SLC9A6: variants seen among roughly 807,000 people sequenced by gnomAD.
The protein encoded by SLC9A6 is sodium/hydrogen exchanger 6.
SLC9A6 carries 6 observed loss-of-function variants against 45.3 expected under a neutral mutation model. That is an observed-to-expected ratio of 0.13 (90% confidence interval 0.07 to 0.26). The LOEUF is 0.26. Ranked by LOEUF, SLC9A6 falls within the 10% of genes least tolerant of loss-of-function variation. The pLI is 1.00. For synonymous variants in SLC9A6, 191 were observed against 187.7 expected, an observed-to-expected ratio of 1.02 and a Z score of -0.14; for missense variants, 278 against 503.7, an observed-to-expected ratio of 0.55 and a Z score of 4.29.
chrX:136,044,616 A>C lies in SLC9A6; in HGVS notation c.1932A>C (p.Ala644=). The change falls in exon 18 of 18, where the codon GCA becomes GCC. Residue 644 remains alanine, a synonymous_variant. Transcript: ENST00000630721. ...SSEDALDREL[A]FGDHELVIRG... ...AAGATGCCTTGGATCGGGAGCTTGC[A>C]TTTGGGGACCATGAACTGGTCATTC... is the stretch of plus-strand genomic sequence containing the variant. The C allele has an allele frequency of 1.7e-6, 2 of 1,210,984 alleles. No homozygotes were observed. Among genetic ancestry groups the C allele is most frequent in the Non-Finnish European group, 2.2e-6 (2 of 894,974 alleles).
Position 136,044,870 on chromosome X carries a change from CT to C in SLC9A6, c.*147del. 1 of 511,060 alleles carries C rather than the reference CT, an allele frequency of 2.0e-6. No individual in the cohort carries two copies. Among genetic ancestry groups the C allele is most frequent in the Non-Finnish European group, 3.3e-6 (1 of 304,794 alleles). The allele number at this position is 511,060 out of a possible 1,213,427, so 42.1% of individuals were successfully genotyped here. A position where few individuals can be genotyped will look rare whatever the true frequency, so the allele number is the denominator to read the frequency against. On this transcript the variant is annotated 3_prime_UTR_variant, in exon 18 of 18. Transcript: ENST00000630721. ...ATGGCATAGAAAGAATATAAATATC[CT>C]GTACACGGCAGATTGTGAACAAACT...
At chrX:135,988,053 A>G (rs2089365917) in intron 2 of SLC9A6, among the ~76,000 whole-genome samples, 1 of 111,831 alleles carries the variant, frequency 8.9e-6, no homozygotes, top group Non-Finnish European at 1.9e-5. Flanking sequence ...AAGAGAATCA[A>G]ATAGGGGCTT....
At chrX:135,976,045 C>T (rs1287705605) in intron 1 of SLC9A6, among the ~76,000 whole-genome samples, 1 of 105,889 alleles carries the variant, frequency 9.4e-6, no homozygotes, top group Non-Finnish European at 1.9e-5. Flanking sequence ...CTCAACTTTA[C>T]TTATATAATT....
intron 13 of SLC9A6, among the ~76,000 whole-genome samples, chrX:136,024,877 C>G (rs1178667964): frequency 9.0e-6 from 1 of 111,419 alleles, no homozygotes; most frequent in Non-Finnish European, 1.9e-5. Context: ...TGTATTGTTT[C>G]TAGGATTTTG....
At chrX:136,002,419 A>G (rs1167313986) in intron 7 of SLC9A6, among the ~76,000 whole-genome samples, 1 of 112,139 alleles carries the variant, frequency 8.9e-6, no homozygotes, top group Non-Finnish European at 1.9e-5. Flanking sequence ...CCTAAAGACA[A>G]TTACTGTAAA....
chrX:136,044,484 T>G lies in SLC9A6; in HGVS notation c.1800T>G (p.Asp600Glu). The G allele has an allele frequency of 8.3e-7, 1 of 1,206,361 alleles. No homozygotes were observed. The highest frequency in any genetic ancestry group is 1.1e-6 in the Non-Finnish European group (1 of 890,519). The stretch of plus-strand genomic sequence containing the variant: ...AACAGTTGAAAGATGATGATTCTGA[T>G]CTTATTCTCAATGATGGTGACATCA... Reference protein sequence around the residue: ...NQEQLKDDDSDLILNDGDISL... With the variant: ...NQEQLKDDDSELILNDGDISL... The change falls in exon 18 of 18, where the codon GAT becomes GAG. Residue 600 changes from aspartate to glutamate, a missense_variant. By Grantham distance (45) the Asp-to-Glu change is conservative. This residue lies in a region of SLC9A6 where 91 missense variants were observed against 125.1 expected (regional missense o/e 0.73). Coordinates refer to ENST00000630721, the MANE Select transcript of SLC9A6 (RefSeq NM_001379110.1).
intron 15 of SLC9A6, among the ~76,000 whole-genome samples, chrX:136,032,703 T>A (rs1556621278): frequency 8.9e-6 from 1 of 112,300 alleles, no homozygotes; most frequent in African/African-American, 3.2e-5. Context: ...TTTATTTTGC[T>A]AGTGTTTCAA....
chrX:135,996,518 A>T (rs782554770), intron 3 of SLC9A6, among the ~76,000 whole-genome samples: 6 of 111,553 alleles, frequency 5.4e-5, no homozygotes, highest in Non-Finnish European at 1.1e-4. Context: ...CTGCAGCCTT[A>T]TGAACAGAAG....
intron 1 of SLC9A6, among the ~76,000 whole-genome samples, chrX:135,977,035 T>A (rs782114327): frequency 8.9e-6 from 1 of 112,206 alleles, no homozygotes; most frequent in Non-Finnish European, 1.9e-5. Context: ...TACCAAGGAC[T>A]GTATCATTCA....
Position 136,023,163 on chromosome X carries a change from GTATATATATATATATATATATATATA to G in SLC9A6, c.1306+501_1306+526del, listed in dbSNP as rs35106450. On this transcript the variant is annotated intron_variant, in intron 12 of 17. Transcript: ENST00000630721. ...GCATCCTTGAATAGAAAAAGAAAAT[GTATATATATATATATATATATATATA>G]TATATATATATATATATATATATAT... is the stretch of plus-strand genomic sequence containing the variant. Among the ~76,000 whole-genome samples the G allele has an allele frequency of 1.0e-2, 250 of 25,003 alleles. 6 individuals are homozygous for G. Among genetic ancestry groups the G allele is most frequent in the Middle Eastern group, 0.059 (1 of 17 alleles). 21.7% of individuals were successfully genotyped at this position (25,003 alleles called of 115,157 possible).
At chrX:135,985,328 G>T, upstream of SLC9A6, 1 of 316,161 alleles carries the variant, frequency 3.2e-6, no homozygotes. Context: ...TGGGACAGAG[G>T]GGCAAAGGAA....
At chrX:135,983,511 G>A (rs2089296760), upstream of SLC9A6, 1 of 109,055 alleles carries the variant, frequency 9.2e-6, no homozygotes, top group Non-Finnish European at 1.9e-5. Context: ...ACATTCTCGG[G>A]GGAGCAGAAG....
chrX:136,034,643 G>A (rs529286259), intron 16 of SLC9A6, among the ~76,000 whole-genome samples: 1 of 111,876 alleles, frequency 8.9e-6, no homozygotes, highest in East Asian at 2.8e-4. Flanking sequence ...TCTGATGAAA[G>A]CCTTGTATAT....
chrX:136,000,154 G>C (rs2089558855), intron 6 of SLC9A6, among the ~76,000 whole-genome samples: 1 of 106,642 alleles, frequency 9.4e-6, no homozygotes, highest in African/African-American at 3.4e-5. Flanking sequence ...GGGAGGCTGA[G>C]GTGGGAGGAC....
intron 1 of SLC9A6, among the ~76,000 whole-genome samples, chrX:135,976,254 G>A (rs1434510333): frequency 9.0e-6 from 1 of 111,574 alleles, no homozygotes; most frequent in Non-Finnish European, 1.9e-5. Context: ...GTAGTTGACA[G>A]GAAAGTGCTT....
chrX:136,010,811 A>G (rs1251262480), intron 8 of SLC9A6, among the ~76,000 whole-genome samples: 7 of 112,226 alleles, frequency 6.2e-5, no homozygotes, highest in Non-Finnish European at 1.9e-5. Flanking sequence ...CTGCAAGTGT[A>G]TAATTAGAGA....
At chrX:136,013,786 A>G (rs782100579) in intron 10 of SLC9A6, among the ~76,000 whole-genome samples, 31 of 112,388 alleles carry the variant, frequency 2.8e-4, no homozygotes, top group Non-Finnish European at 5.4e-4. Context: ...TGTGACGTAG[A>G]TAAGGTTAAC....
chrX:136,007,909 A>G (rs2089681844), intron 7 of SLC9A6, among the ~76,000 whole-genome samples: 1 of 110,990 alleles, frequency 9.0e-6, no homozygotes, highest in Non-Finnish European at 1.9e-5. Context: ...TTAGGAGTAG[A>G]ATTGCTAGGT....
intron 10 of SLC9A6, among the ~76,000 whole-genome samples, chrX:136,013,660 T>C (rs1248662229): frequency 3.6e-5 from 4 of 112,007 alleles, no homozygotes; most frequent in East Asian, 2.8e-4. Context: ...ACTGTTACTA[T>C]TGTGGCTTCA....
Sources: allele counts gnomAD v4.1 joint callset (sites outside exome capture counted in the v4.1 genomes callset), GRCh38; gene constraint gnomAD v4.1.1; regional missense constraint gnomAD v4.1.1; transcripts MANE v1.5; gene names NCBI Gene and HGNC (gene_info 2026-07-23, HGNC 2026-07-21).